ZNF568: variants seen among roughly 807,000 people sequenced by gnomAD.
ZNF568 encodes zinc finger protein 568.
Under a neutral mutation model 18.1 loss-of-function variants are expected in ZNF568, and 11 were observed. The observed-to-expected ratio is 0.61, with a 90% CI of 0.38 to 1.00. The LOEUF is 1.00. Among genes scored for constraint, ZNF568 ranks in the 50% least tolerant of loss-of-function variants. ZNF568 has a pLI of 0.01. For missense variants in ZNF568, 639 were observed against 768.2 expected (o/e 0.83, Z 1.99); for synonymous variants, 213 against 246.6 (o/e 0.86, Z 1.28).
intron 6 of ZNF568, among the ~76,000 whole-genome samples, chr19:36,965,027 A>G (rs1331114272): frequency 6.6e-6 from 1 of 152,214 alleles, no homozygotes; most frequent in Non-Finnish European, 1.5e-5. Flanking sequence ...GTATCTATAC[A>G]AAGACTTGTA....
intron 2 of ZNF568, among the ~76,000 whole-genome samples, chr19:36,917,946 G>A (rs888354440): frequency 6.6e-6 from 1 of 151,914 alleles, no homozygotes; most frequent in Admixed American, 6.6e-5. Context: ...TGTTGTTGTT[G>A]TTGTTTTGTT....
chr19:36,978,533 C>G (rs978853102), intron 7 of ZNF568, among the ~76,000 whole-genome samples: 1 of 152,070 alleles, frequency 6.6e-6, no homozygotes, highest in Non-Finnish European at 1.5e-5. Flanking sequence ...TTTCTAAGTC[C>G]CAGTTAATCT....
At chr19:36,959,166 C>T (rs1264798789) in intron 6 of ZNF568, among the ~76,000 whole-genome samples, 4 of 151,972 alleles carry the variant, frequency 2.6e-5, no homozygotes, top group African/African-American at 9.7e-5. Flanking sequence ...TATATATAAC[C>T]TTTATTATTC....
chr19:36,991,693 G>T, intron 3 of ZNF568: 1 of 1,378,648 alleles, frequency 7.3e-7, no homozygotes. Context: ...GGTAATTAGG[G>T]ACTGATTTTT....
At chr19:36,936,552 G>A in intron 4 of ZNF568, 194 bp from the exon 5 acceptor site, 1 of 430,424 alleles carries the variant, frequency 2.3e-6, no homozygotes, top group Non-Finnish European at 4.1e-6. Context: ...CTTCTTGAAT[G>A]TATAATGTTT....
At chr19:36,983,380 TC>T (rs1172349722), downstream of ZNF568, among the ~76,000 whole-genome samples, 3 of 152,214 alleles carry the variant, frequency 2.0e-5, no homozygotes, top group African/African-American at 7.2e-5. Flanking sequence ...ATTTGTTTAT[TC>T]CCTGTCTTCT....
At chr19:36,990,562 C>T (rs56210833) in intron 2 of ZNF568, among the ~76,000 whole-genome samples, 10 of 152,302 alleles carry the variant, frequency 6.6e-5, no homozygotes, top group Admixed American at 3.3e-4. Context: ...TAGCAGTGAG[C>T]GGAGATGGTG....
chr19:36,937,067 C>T, intron 5 of ZNF568, 80 bp from the exon 6 acceptor site: 1 of 1,474,598 alleles, frequency 6.8e-7, no homozygotes, highest in Non-Finnish European at 9.3e-7. Context: ...TTTATAAGCC[C>T]TCAAGCTTGG....
At chr19:36,934,513 G>C (rs1313499100) in intron 4 of ZNF568, among the ~76,000 whole-genome samples, 1 of 151,728 alleles carries the variant, frequency 6.6e-6, no homozygotes, top group African/African-American at 2.4e-5. Flanking sequence ...GTAGAGATGG[G>C]GTTTTACCAT....
chr19:36,959,247 GC>G (rs1170938346), intron 6 of ZNF568, among the ~76,000 whole-genome samples: 1 of 152,096 alleles, frequency 6.6e-6, no homozygotes, highest in Admixed American at 6.6e-5. Context: ...TTTATCAGAT[GC>G]TTTTTCTGCA....
At chr19:36,940,377 A>G (rs373376641) in intron 6 of ZNF568, among the ~76,000 whole-genome samples, 1 of 152,296 alleles carries the variant, frequency 6.6e-6, no homozygotes, top group African/African-American at 2.4e-5. Flanking sequence ...CTCAACTAAC[A>G]TTCTATTACA....
intron 6 of ZNF568, among the ~76,000 whole-genome samples, chr19:36,944,902 G>A (rs2073937445): frequency 6.6e-6 from 1 of 152,072 alleles, no homozygotes; most frequent in Non-Finnish European, 1.5e-5. Flanking sequence ...GGGATATATA[G>A]TCAAACTACT....
intron 2 of ZNF568, among the ~76,000 whole-genome samples, chr19:36,989,344 G>A (rs980463468): frequency 2.0e-4 from 31 of 151,860 alleles, no homozygotes; most frequent in African/African-American, 7.5e-4. Flanking sequence ...CACCATGCCC[G>A]GCTAATTTTT....
chr19:36,922,740 G>A lies in ZNF568; in HGVS notation c.-31G>A, dbSNP rs760715079. ...CCCTGGAGTTGCTGGAGCTTGTCTTGACCCTTCTGCCCAGAGCAGGCAGGG... is the reference window on the plus strand; with the variant it reads ...CCCTGGAGTTGCTGGAGCTTGTCTTAACCCTTCTGCCCAGAGCAGGCAGGG... On this transcript the variant is annotated 5_prime_UTR_variant, in exon 3 of 7. Transcript: ENST00000333987. The A allele has an allele frequency of 6.2e-7, 1 of 1,608,874 alleles. No individual in the cohort carries two copies. The highest frequency in any genetic ancestry group is 8.5e-7 in the Non-Finnish European group (1 of 1,176,100).
At position 36,933,898 on chromosome 19, in the gene ZNF568, G is replaced by GTTTTTTTTTT. The variant is rs200880642; in HGVS notation, c.136-2848_136-2847insTTTTTTTTTT. ...TAGGCCTGAGTTTTTCTTTTGGGTA[G>GTTTTTTTTTT]GTTTTTTTTTTTGTTTTGTTTTTTT... On this transcript the variant is annotated intron_variant, in intron 4 of 6. Transcript: ENST00000333987. Among the ~76,000 whole-genome samples the GTTTTTTTTTT allele has an allele frequency of 7.4e-4, 19 of 25,760 alleles. 2 individuals are homozygous for GTTTTTTTTTT. The highest frequency in any genetic ancestry group is 5.1e-3 in the African/African-American group (18 of 3,564). The allele number at this position is 25,760 out of a possible 152,430, so 16.9% of individuals were successfully genotyped here.
downstream of ZNF568, among the ~76,000 whole-genome samples, chr19:36,982,974 G>A (rs1001952619): frequency 5.9e-5 from 9 of 152,208 alleles, no homozygotes; most frequent in Non-Finnish European, 1.2e-4. Flanking sequence ...TATCCCAGGA[G>A]AACTGTGGCC....
intron 7 of ZNF568, chr19:36,976,228 G>A (rs1345075409): frequency 6.6e-6 from 1 of 151,988 alleles, no homozygotes; most frequent in East Asian, 1.9e-4. Context: ...GTGTAGTCAT[G>A]TGATTTTTTT....
At chr19:36,985,520 GTT>G (rs367817327) in intron 2 of ZNF568, among the ~76,000 whole-genome samples, 1 of 151,658 alleles carries the variant, frequency 6.6e-6, no homozygotes, top group Non-Finnish European at 1.5e-5. Context: ...TGTTTGTTTT[GTT>G]TTGTTTTGTT....
chr19:36,917,221 C>T (rs1258279207), intron 1 of ZNF568, among the ~76,000 whole-genome samples: 1 of 152,154 alleles, frequency 6.6e-6, no homozygotes, highest in Admixed American at 6.5e-5. Context: ...CGCATGTGTT[C>T]TTTCAGGGTC....
Sources: gnomAD v4.1 joint callset for allele counts (sites outside exome capture counted in the v4.1 genomes callset) on GRCh38, gnomAD v4.1.1 for gene constraint, MANE v1.5 for transcripts, NCBI Gene and HGNC (gene_info 2026-07-23, HGNC 2026-07-21) for gene names.